GAN: variants seen among roughly 807,000 people sequenced by gnomAD.
The protein encoded by GAN is gigaxonin.
In GAN, 48 loss-of-function variants were observed where a neutral mutation model predicts 71.3. That is an observed-to-expected ratio of 0.67 (90% CI 0.53 to 0.86). GAN has a LOEUF of 0.86. Among genes scored for constraint, GAN ranks in the 40% least tolerant of loss-of-function variants. The probability of loss-of-function intolerance (pLI) is 0.00; values close to 1 mark genes in which losing one functional copy is unlikely to be tolerated. For missense variants in GAN, 928 were observed against 770.1 expected, an observed-to-expected ratio of 1.21 and a Z score of -2.43; for synonymous variants, 386 against 276.8, an observed-to-expected ratio of 1.39 and a Z score of -3.92.
At chr16:81,344,811 G>A (rs548242165) in intron 1 of GAN, among the ~76,000 whole-genome samples, 16 of 152,150 alleles carry the variant, frequency 1.1e-4, no homozygotes, top group East Asian at 9.7e-4. Flanking sequence ...CAGAGTGAAC[G>A]GGCAACCTAC....
intron 1 of GAN, among the ~76,000 whole-genome samples, chr16:81,330,070 C>T (rs1909522664): frequency 6.6e-6 from 1 of 152,276 alleles, no homozygotes; most frequent in Admixed American, 6.5e-5. Flanking sequence ...CTCGTTTCTA[C>T]CTCTCAGATC....
chr16:81,366,654 T>A (rs1360991114), intron 9 of GAN, among the ~76,000 whole-genome samples: 7 of 152,202 alleles, frequency 4.6e-5, no homozygotes, highest in Non-Finnish European at 8.8e-5. Context: ...TTTAGGGTAT[T>A]TGCATAGCCT....
At chr16:81,348,669 G>A (rs1001313239) in intron 1 of GAN, among the ~76,000 whole-genome samples, 1 of 152,300 alleles carries the variant, frequency 6.6e-6, no homozygotes, top group African/African-American at 2.4e-5. Context: ...TGTATGATGT[G>A]ACATGAGAAA....
At position 81,349,677 on chromosome 16, in the gene GAN, A is replaced by T. The variant is rs1476256655; in HGVS notation, c.168-1906A>T. 3.3e-5 allele frequency among the ~76,000 whole-genome samples: 5 copies of T among 152,150 alleles called. No individual in the cohort carries two copies. The East Asian group carries it at 9.6e-4, about 29-fold the overall frequency. On this transcript the variant is annotated intron_variant, in intron 1 of 10. Coordinates refer to ENST00000648994, the MANE Select transcript of GAN (RefSeq NM_022041.4). ...AAATAAAAGAAATTTTGTTAATATT[A>T]TTTCCTGTTCTGTTTGTATTCAGTC...
chr16:81,362,742 TC>T, intron 6 of GAN, 131 bp downstream of exon 6: 1 of 709,040 alleles, frequency 1.4e-6, no homozygotes. Flanking sequence ...CTCCAACCTC[TC>T]CTTCTAGTGC....
In GAN at chr16:81,382,371, G is replaced by A. The variant is rs1398387390; in HGVS notation, c.*4775G>A. Reference sequence around the variant, plus strand: ...AAACATGTCCTTTGCTAGTTGCACAGGCATAAGCTGAAAGATCTTTGATTT... The same window carrying A: ...AAACATGTCCTTTGCTAGTTGCACAAGCATAAGCTGAAAGATCTTTGATTT... On this transcript the variant is annotated 3_prime_UTR_variant, in exon 11 of 11. Transcript: ENST00000648994. 6.6e-6 allele frequency: 1 copy of A among 152,168 alleles called. No homozygotes were observed. 9.4% of individuals were successfully genotyped at this position (152,168 alleles called of 1,614,324 possible).
At chr16:81,329,466 G>A (rs1909500913) in intron 1 of GAN, among the ~76,000 whole-genome samples, 1 of 152,164 alleles carries the variant, frequency 6.6e-6, no homozygotes, top group Admixed American at 6.5e-5. Context: ...TTGCAACCAG[G>A]CTTCTTGAAA....
At chr16:81,336,038 CTGTG>C (rs915700141) in intron 1 of GAN, among the ~76,000 whole-genome samples, 17 of 152,116 alleles carry the variant, frequency 1.1e-4, no homozygotes, top group African/African-American at 4.1e-4. Flanking sequence ...CAAGACCATC[CTGTG>C]TCTTGTTGCT....
chr16:81,365,524 G>T, intron 9 of GAN, 46 bp downstream of exon 9: 1 of 1,577,698 alleles, frequency 6.3e-7, no homozygotes, highest in Non-Finnish European at 8.7e-7. Context: ...TTTTCTTTGT[G>T]CTTTCAGTCG....
intron 4 of GAN, 93 bp downstream of exon 4, chr16:81,357,095 A>G: frequency 1.2e-6 from 1 of 865,098 alleles, no homozygotes; most frequent in South Asian, 1.3e-5. Context: ...AGTATCTAAA[A>G]CATAATTACA....
intron 1 of GAN, among the ~76,000 whole-genome samples, chr16:81,317,544 T>C (rs1009087037): frequency 6.6e-6 from 1 of 152,248 alleles, no homozygotes; most frequent in South Asian, 2.1e-4. Context: ...GTAGTACCCA[T>C]TGAATTAGGA....
At chr16:81,364,550 A>C (rs1910786169) in intron 7 of GAN, among the ~76,000 whole-genome samples, 1 of 152,198 alleles carries the variant, frequency 6.6e-6, no homozygotes, top group African/African-American at 2.4e-5. Flanking sequence ...TTAGCCGGGC[A>C]CAGTGCTGTG....
chr16:81,316,406 C>G (rs1442469531), intron 1 of GAN, among the ~76,000 whole-genome samples: 1 of 146,670 alleles, frequency 6.8e-6, no homozygotes, highest in South Asian at 2.1e-4. Flanking sequence ...AGAAGAAATT[C>G]AAGTGCCCTT....
chr16:81,363,630 T>TA (rs1439120940), intron 6 of GAN, among the ~76,000 whole-genome samples, 164 bp from the exon 7 acceptor site: 14 of 152,198 alleles, frequency 9.2e-5, no homozygotes, highest in African/African-American at 3.4e-4. Flanking sequence ...ACCCAATAGT[T>TA]AGTGTTTCAG....
chr16:81,352,947 A>G (rs373777004), intron 2 of GAN, among the ~76,000 whole-genome samples: 37 of 152,340 alleles, frequency 2.4e-4, no homozygotes, highest in East Asian at 2.3e-3. Flanking sequence ...TTGAAAGTTG[A>G]AACATTATTT....
chr16:81,344,957 C>T (rs1278824495), intron 1 of GAN, among the ~76,000 whole-genome samples: 2 of 152,134 alleles, frequency 1.3e-5, no homozygotes, highest in Admixed American at 6.5e-5. Flanking sequence ...TGAACAGTCA[C>T]TTCTCAAAAG....
chr16:81,357,786 C>G, intron 4 of GAN, 24 bp from the exon 5 acceptor site: 1 of 1,606,432 alleles, frequency 6.2e-7, no homozygotes, highest in Non-Finnish European at 8.5e-7. Flanking sequence ...ACATTAACTA[C>G]TGATCACTTA....
chr16:81,358,264 G>A (rs1370874242), intron 5 of GAN, among the ~76,000 whole-genome samples: 1 of 152,080 alleles, frequency 6.6e-6, no homozygotes, highest in Admixed American at 6.6e-5. Flanking sequence ...TTGCACCATG[G>A]TAGTCCCATC....
chr16:81,388,625 G>C lies in GAN; in HGVS notation c.*11029G>C, dbSNP rs1904473300. On this transcript the variant is annotated 3_prime_UTR_variant, in exon 11 of 11. Coordinates refer to ENST00000648994, the MANE Select transcript of GAN (RefSeq NM_022041.4). ...TACCTCAGCACCCAGTGCAGCCCCAGGCTCCCGGACGTGCTCGGCCCGGTG... is the reference window on the plus strand; with the variant it reads ...TACCTCAGCACCCAGTGCAGCCCCACGCTCCCGGACGTGCTCGGCCCGGTG... 1 of 152,610 alleles carries C rather than the reference G, an allele frequency of 6.6e-6. No homozygotes were observed. Among genetic ancestry groups the C allele is most frequent in the Admixed American group, 6.5e-5 (1 of 15,294 alleles). The allele number at this position is 152,610 out of a possible 1,614,324, so 9.5% of individuals were successfully genotyped here. A position where few individuals can be genotyped will look rare whatever the true frequency, so the allele number is the denominator to read the frequency against.
Sources: gnomAD v4.1 joint callset for allele counts (sites outside exome capture counted in the v4.1 genomes callset) on GRCh38, gnomAD v4.1.1 for gene constraint, MANE v1.5 for transcripts, NCBI Gene and HGNC (gene_info 2026-07-23, HGNC 2026-07-21) for gene names.